Variants in NAALADL2 observed in about 807,000 individuals in gnomAD.
The protein encoded by NAALADL2 is inactive N-acetylated-alpha-linked acidic dipeptidase-like protein 2.
A neutral mutation model predicts 87.2 loss-of-function variants in NAALADL2; 76 were observed. The observed-to-expected ratio is 0.87, with a 90% CI of 0.72 to 1.05. NAALADL2 has a LOEUF of 1.05. NAALADL2 is among the 50% of genes least tolerant of loss of function. The probability of loss-of-function intolerance (pLI) is 0.00; values close to 1 mark genes in which losing one functional copy is unlikely to be tolerated. For missense variants in NAALADL2, 1,089 were observed against 945.8 expected, an observed-to-expected ratio of 1.15 and a Z score of -1.99; for synonymous variants, 354 against 331.0, an observed-to-expected ratio of 1.07 and a Z score of -0.75.
At chr3:174,645,764 T>G (rs188677778) in intron 2 of NAALADL2, among the ~76,000 whole-genome samples, 56 of 152,336 alleles carry the variant, frequency 3.7e-4, no homozygotes, top group African/African-American at 1.3e-3. Flanking sequence ...CCATGTGTAC[T>G]GTGACTGGAA....
chr3:175,569,571 C>A (rs1258229213), intron 9 of NAALADL2, among the ~76,000 whole-genome samples: 1 of 151,916 alleles, frequency 6.6e-6, no homozygotes, highest in Admixed American at 6.6e-5. Context: ...AGGATGGAGC[C>A]CTAGTGAATG....
intron 2 of NAALADL2, among the ~76,000 whole-genome samples, chr3:175,122,762 T>C (rs1442340549): frequency 6.6e-6 from 1 of 151,868 alleles, no homozygotes; most frequent in Non-Finnish European, 1.5e-5. Flanking sequence ...TATATGAACA[T>C]TGTCTCAATC....
intron 3 of NAALADL2, among the ~76,000 whole-genome samples, chr3:175,240,945 G>A (rs1581073736): frequency 1.3e-5 from 2 of 152,172 alleles, no homozygotes; most frequent in East Asian, 3.9e-4. Flanking sequence ...ACAGGCATGA[G>A]CCACTGTGCC....
intron 13 of NAALADL2, among the ~76,000 whole-genome samples, chr3:175,760,650 A>G (rs969549296): frequency 2.6e-5 from 4 of 152,118 alleles, no homozygotes; most frequent in Non-Finnish European, 5.9e-5. Flanking sequence ...AGAATTCTAA[A>G]TCTTGTATCT....
At chr3:174,693,594 C>T (rs2108860091) in intron 2 of NAALADL2, among the ~76,000 whole-genome samples, 1 of 152,102 alleles carries the variant, frequency 6.6e-6, no homozygotes, top group South Asian at 2.1e-4. Context: ...CTTTGAATTG[C>T]CTTTAAGCAC....
chr3:174,457,829 A>G (rs1427721636), intron 1 of NAALADL2, among the ~76,000 whole-genome samples: 1 of 150,930 alleles, frequency 6.6e-6, no homozygotes, highest in Non-Finnish European at 1.5e-5. Flanking sequence ...AAAAAAAAAA[A>G]GAGGTCATGT....
intron 2 of NAALADL2, among the ~76,000 whole-genome samples, chr3:174,558,589 C>T (rs898464453): frequency 2.6e-5 from 4 of 151,976 alleles, no homozygotes; most frequent in South Asian, 2.1e-4. Flanking sequence ...CAATAGGGTT[C>T]GTGCTCCCCT....
In NAALADL2 at chr3:175,324,291, A is replaced by G. The variant is rs768890779; in HGVS notation, c.1056A>G (p.Gly352=). ...HDTFMVSLNP[G]GDPSTPGYPS... is the part of the protein sequence containing the mutation. Reference sequence around the variant, plus strand: ...CCTTCATGGTGTCACTGAATCCAGGAGGAGACCCTTCTACGCCTGGTTACC... The same window carrying G: ...CCTTCATGGTGTCACTGAATCCAGGGGGAGACCCTTCTACGCCTGGTTACC... The change falls in exon 5 of 14, where the codon GGA becomes GGG. Residue 352 remains glycine (G), a synonymous_variant. Coordinates refer to ENST00000454872, the MANE Select transcript of NAALADL2 (RefSeq NM_207015.3). 5 of 1,613,468 alleles carry G rather than the reference A, an allele frequency of 3.1e-6. No individual in the cohort carries two copies. Among genetic ancestry groups the G allele is most frequent in the Non-Finnish European group, 3.4e-6 (4 of 1,179,646 alleles).
intron 1 of NAALADL2, among the ~76,000 whole-genome samples, chr3:175,021,200 C>T (rs1050642784): frequency 6.6e-6 from 1 of 151,876 alleles, no homozygotes; most frequent in Non-Finnish European, 1.5e-5. Flanking sequence ...TGCTCTTCAC[C>T]GAATATACGC....
chr3:175,453,971 G>A (rs750104923), intron 6 of NAALADL2, among the ~76,000 whole-genome samples: 33 of 152,060 alleles, frequency 2.2e-4, no homozygotes, highest in Non-Finnish European at 4.0e-4. Context: ...CACATGAAGT[G>A]ACATTCCTTA....
At chr3:174,760,126 C>G (rs1236892298) in intron 3 of NAALADL2, among the ~76,000 whole-genome samples, 1 of 152,052 alleles carries the variant, frequency 6.6e-6, no homozygotes, top group Non-Finnish European at 1.5e-5. Context: ...TTTATGTATG[C>G]AAGGAAACTG....
intron 3 of NAALADL2, among the ~76,000 whole-genome samples, chr3:175,243,517 G>T: frequency 7.3e-6 from 1 of 137,852 alleles, no homozygotes; most frequent in Non-Finnish European, 1.5e-5. Context: ...ATTTGCAAAT[G>T]CTACACATCA....
intron 2 of NAALADL2, among the ~76,000 whole-genome samples, chr3:174,648,536 T>G (rs1724037288): frequency 6.6e-6 from 1 of 152,154 alleles, no homozygotes; most frequent in Non-Finnish European, 1.5e-5. Flanking sequence ...CAACTCTTCC[T>G]TATATAGACA....
chr3:174,867,149 A>G (rs1727248773), intron 1 of NAALADL2, among the ~76,000 whole-genome samples: 1 of 149,274 alleles, frequency 6.7e-6, no homozygotes, highest in African/African-American at 2.5e-5. Context: ...TATCTTCATA[A>G]TCACAAAAAT....
At chr3:175,397,412 C>T (rs960353056) in intron 5 of NAALADL2, 7 of 151,928 alleles carry the variant, frequency 4.6e-5, no homozygotes, top group African/African-American at 1.7e-4. Context: ...TGAAGTGGGG[C>T]ACAGGTATAA....
intron 3 of NAALADL2, among the ~76,000 whole-genome samples, chr3:174,769,787 TTTTA>T (rs1714297194): frequency 6.6e-6 from 1 of 151,706 alleles, no homozygotes; most frequent in East Asian, 1.9e-4. Context: ...TATTCTTTAA[TTTTA>T]TTTATTTCTT....
At chr3:175,304,590 A>T (rs1302896569) in intron 4 of NAALADL2, among the ~76,000 whole-genome samples, 1 of 152,072 alleles carries the variant, frequency 6.6e-6, no homozygotes, top group Admixed American at 6.6e-5. Flanking sequence ...TTTCCCCATG[A>T]AGCCGGTGCT....
At chr3:175,345,631 C>G (rs1334943637) in intron 5 of NAALADL2, among the ~76,000 whole-genome samples, 1 of 152,150 alleles carries the variant, frequency 6.6e-6, no homozygotes, top group Admixed American at 6.6e-5. Flanking sequence ...ACCACTCCAA[C>G]TTGATCCCAC....
intron 2 of NAALADL2, among the ~76,000 whole-genome samples, chr3:175,165,842 C>T (rs1733918246): frequency 6.6e-6 from 1 of 151,978 alleles, no homozygotes; most frequent in African/African-American, 2.4e-5. Flanking sequence ...GTGTGCTTAG[C>T]ATCTTTACTG....
Sources: allele counts gnomAD v4.1 joint callset (sites outside exome capture counted in the v4.1 genomes callset), GRCh38; gene constraint gnomAD v4.1.1; transcripts MANE v1.5; gene names NCBI Gene and HGNC (gene_info 2026-07-23, HGNC 2026-07-21).